The following PHF20L1 variants were observed in gnomAD, a reference collection of about 807,000 sequenced individuals.
PHF20L1 encodes PHD finger protein 20-like protein 1.
In PHF20L1, 44 loss-of-function variants were observed where a neutral mutation model predicts 125.5. The observed-to-expected ratio is 0.35, with a 90% CI of 0.28 to 0.45. The LOEUF is 0.45. Among genes scored for constraint, PHF20L1 ranks in the 20% least tolerant of loss-of-function variants. The pLI, the probability that PHF20L1 is intolerant of heterozygous loss-of-function variation, is 1.00. For synonymous variants in PHF20L1, 380 were observed against 403.1 expected (o/e 0.94, Z 0.69); for missense variants, 1,012 against 1,217.2 (o/e 0.83, Z 2.51).
chr8:132,776,064 A>C (rs1467243720), intron 1 of PHF20L1, among the ~76,000 whole-genome samples: 2 of 152,024 alleles, frequency 1.3e-5, no homozygotes, highest in Non-Finnish European at 2.9e-5. Flanking sequence ...ATTTCTTGCC[A>C]TTCTTTGCTC....
In PHF20L1 at chr8:132,835,481, T is replaced by C. The variant is rs576369836; in HGVS notation, c.1910-1059T>C. Among the ~76,000 whole-genome samples, 5 of 152,230 alleles carry C rather than the reference T, an allele frequency of 3.3e-5. No individual in the cohort carries two copies. In the South Asian group the frequency reaches 1.0e-3, roughly 32 times the overall value. The stretch of plus-strand genomic sequence containing the variant: ...TACTTTCCATTGTTATAAATAAAGA[T>C]TCCCCCGTGTCTGTCTCAATTTTCT... On this transcript the variant is annotated intron_variant, in intron 15 of 20. Coordinates refer to ENST00000395386, the MANE Select transcript of PHF20L1 (RefSeq NM_016018.5).
At position 132,836,619 on chromosome 8, in the gene PHF20L1, T is replaced by C. The variant is rs201989062; in HGVS notation, c.1989T>C (p.Phe663=). 4.3e-6 allele frequency: 7 copies of C among 1,612,452 alleles called. No individual in the cohort carries two copies. Among genetic ancestry groups the C allele is most frequent in the South Asian group, 2.2e-5 (2 of 91,054 alleles). The change falls in exon 16 of 21, where the codon TTT becomes TTC. Residue 663 remains phenylalanine (F), a synonymous_variant. Coordinates refer to ENST00000395386, the MANE Select transcript of PHF20L1 (RefSeq NM_016018.5). ...GTGGGGATGAATACAATCAGGACTT[T>C]GATTCAACCAATTTTGAGGAATCTC... is the stretch of plus-strand genomic sequence containing the variant. ...LLSGDEYNQD[F]DSTNFEESQD...
chr8:132,844,370 TA>T, intron 20 of PHF20L1, 52 bp downstream of exon 20: 1 of 1,417,370 alleles, frequency 7.1e-7, no homozygotes, highest in Non-Finnish European at 9.7e-7. Flanking sequence ...TTATTGTTAC[TA>T]TGAAGAAGTT....
intron 14 of PHF20L1, among the ~76,000 whole-genome samples, chr8:132,828,693 AG>A (rs1397872619): frequency 2.0e-5 from 3 of 152,082 alleles, no homozygotes; most frequent in African/African-American, 7.2e-5. Context: ...GTGTATGAGA[AG>A]TCACCATGTT....
In PHF20L1 at chr8:132,832,305, T is replaced by C; in HGVS notation, c.1815T>C (p.Ser605=). Residue 605 remains serine (S), a synonymous_variant, in exon 15 of 21, where the codon TCT becomes TCC. Transcript: ENST00000395386. ...GCTCTTCTCCACTAACTCGATCTTCTGGGAGTTCTCTGGCTTCACGAAGCA... is the reference window on the plus strand; with the variant it reads ...GCTCTTCTCCACTAACTCGATCTTCCGGGAGTTCTCTGGCTTCACGAAGCA... ...ERCSSPLTRS[S]GSSLASRSMF... is the part of the protein sequence containing the mutation. 2 of 1,609,420 alleles carry C rather than the reference T, an allele frequency of 1.2e-6. No homozygotes were observed. Among genetic ancestry groups the C allele is most frequent in the Non-Finnish European group, 1.7e-6 (2 of 1,176,086 alleles).
chr8:132,827,085 GCT>G (rs200745907), intron 14 of PHF20L1, among the ~76,000 whole-genome samples: 3,062 of 151,984 alleles, frequency 0.02, 105 homozygotes, highest in African/African-American at 0.071. Context: ...GCTTGAAACG[GCT>G]TTCCAGAGAG....
At chr8:132,842,974 A>G (rs112924174) in intron 19 of PHF20L1, 99 bp downstream of exon 19, 2 of 1,470,756 alleles carry the variant, frequency 1.4e-6, no homozygotes. Context: ...TTTTAGTTGT[A>G]TTTCCAAGTT....
At chr8:132,834,604 G>C (rs1837138966) in intron 15 of PHF20L1, among the ~76,000 whole-genome samples, 1 of 152,024 alleles carries the variant, frequency 6.6e-6, no homozygotes, top group Non-Finnish European at 1.5e-5. Flanking sequence ...AAAGTGCTGG[G>C]ACTAGAGGTG....
chr8:132,826,961 T>G (rs1395999989), intron 14 of PHF20L1: 2 of 152,074 alleles, frequency 1.3e-5, no homozygotes, highest in Non-Finnish European at 2.9e-5. Flanking sequence ...TTTAGCTCTC[T>G]CCATAGTCCA....
At position 132,814,768 on chromosome 8, in the gene PHF20L1, T is replaced by C; in HGVS notation, c.1062T>C (p.His354=). Reference sequence around the variant, plus strand: ...AGGCTCGCAGCAAGAAATGCAAACATGAATCTGGAGATTCTTCTGGGTGTA... The same window carrying C: ...AGGCTCGCAGCAAGAAATGCAAACACGAATCTGGAGATTCTTCTGGGTGTA... ...SGKARSKKCK[H]ESGDSSGCIK... Residue 354 remains histidine (H), a synonymous_variant, in exon 10 of 21, where the codon CAT becomes CAC. Transcript: ENST00000395386. 6.2e-7 allele frequency: 1 copy of C among 1,613,072 alleles called. No individual in the cohort carries two copies. Among genetic ancestry groups the C allele is most frequent in the Non-Finnish European group, 8.5e-7 (1 of 1,179,310 alleles).
chr8:132,814,855 A>C lies in PHF20L1; in HGVS notation c.1149A>C (p.Val383=). The change falls in exon 10 of 21, where the codon GTA becomes GTC. Residue 383 remains valine (V), a synonymous_variant. Transcript: ENST00000395386. ...TACAAGTCGAGGATTTGACGCTTGTATCTCAGCTTTCTTCTTCAGTGATAA... is the reference window on the plus strand; with the variant it reads ...TACAAGTCGAGGATTTGACGCTTGTCTCTCAGCTTTCTTCTTCAGTGATAA... ...ELIQVEDLTL[V]SQLSSSVINK... is the part of the protein sequence containing the mutation. 1.2e-6 allele frequency: 2 copies of C among 1,609,376 alleles called. No homozygotes were observed. Among genetic ancestry groups the C allele is most frequent in the Non-Finnish European group, 1.7e-6 (2 of 1,176,428 alleles).
intron 8 of PHF20L1, chr8:132,807,226 C>T: frequency 6.4e-6 from 1 of 156,732 alleles, no homozygotes. Context: ...ACACAATTTC[C>T]CAGTTCGTAT....
rs969245164 is a variant in PHF20L1, at chr8:132,837,916, T to G, written c.2191+105T>G. 5.5e-6 allele frequency: 4 copies of G among 729,828 alleles called. No homozygotes were observed. The South Asian group carries it at 6.0e-5, about 11-fold the overall frequency. 45.2% of individuals were successfully genotyped at this position (729,828 alleles called of 1,614,324 possible). On this transcript the variant is annotated intron_variant, in intron 17 of 20. Coordinates refer to ENST00000395386, the MANE Select transcript of PHF20L1 (RefSeq NM_016018.5). ...ACCACCACTACAGCAAGTTCTCACA[T>G]GATGTCATTGATAGGTTCTTGGAAA...
intron 12 of PHF20L1, among the ~76,000 whole-genome samples, chr8:132,819,184 TATTG>T (rs1423352163): frequency 1.3e-5 from 2 of 151,936 alleles, no homozygotes; most frequent in African/African-American, 4.8e-5. Context: ...TAGCAGTAAC[TATTG>T]GAAAAGTAAA....
At chr8:132,814,496 G>A (rs1834748956) in intron 9 of PHF20L1, 141 bp from the exon 10 acceptor site, 3 of 508,038 alleles carry the variant, frequency 5.9e-6, no homozygotes, top group Non-Finnish European at 9.9e-6. Flanking sequence ...GGTTCTTTTT[G>A]GTTTTTCATT....
intron 16 of PHF20L1, among the ~76,000 whole-genome samples, chr8:132,837,348 GT>G (rs1377322244): frequency 6.6e-6 from 1 of 152,060 alleles, no homozygotes; most frequent in African/African-American, 2.4e-5. Context: ...GAGATCATTG[GT>G]ATAGACACTG....
rs1456556461 is a variant in PHF20L1, at chr8:132,817,504, C to A, written c.1538C>A (p.Ser513Tyr). ...ACACAGATGCTTCCAAATCCTTCTT[C>A]CAAAGCAATAGCTGATGGAAGAGGA... is the stretch of plus-strand genomic sequence containing the variant. ...EDTQMLPNPSSKAIADGRGAP... is the reference protein window; with the variant it reads ...EDTQMLPNPSYKAIADGRGAP... The change falls in exon 12 of 21, where the codon TCC becomes TAC. Residue 513 changes from serine (S) to tyrosine (Y), a missense_variant. Transcript: ENST00000395386. The A allele has an allele frequency of 6.2e-7, 1 of 1,612,012 alleles. No individual in the cohort carries two copies. The highest frequency in any genetic ancestry group is 8.5e-7 in the Non-Finnish European group (1 of 1,178,994).
chr8:132,814,545 G>C, intron 9 of PHF20L1, 92 bp from the exon 10 acceptor site: 1 of 809,732 alleles, frequency 1.2e-6, no homozygotes, highest in Non-Finnish European at 1.9e-6. Context: ...CAATGTTTCT[G>C]GATACTAAAG....
chr8:132,798,114 G>C (rs1227505646), intron 4 of PHF20L1, among the ~76,000 whole-genome samples: 1 of 152,010 alleles, frequency 6.6e-6, no homozygotes, highest in African/African-American at 2.4e-5. Context: ...GGAAAGACAT[G>C]GATGACCAGA....
Sources: gnomAD v4.1 joint callset for allele counts (sites outside exome capture counted in the v4.1 genomes callset) on GRCh38, gnomAD v4.1.1 for gene constraint, MANE v1.5 for transcripts, NCBI Gene and HGNC (gene_info 2026-07-23, HGNC 2026-07-21) for gene names.